The following GABRB3 variants were observed in gnomAD, a reference collection of about 807,000 sequenced individuals.
GABRB3 encodes gamma-aminobutyric acid receptor subunit beta-3.
GABRB3 carries 14 observed loss-of-function variants against 52.1 expected under a neutral mutation model. The observed-to-expected ratio is 0.27, with a 90% CI of 0.18 to 0.42. GABRB3 has a LOEUF of 0.42. Among genes scored for constraint, GABRB3 ranks in the 10% least tolerant of loss-of-function variants. The pLI is 1.00. For missense variants in GABRB3, 307 were observed against 609.1 expected (o/e 0.50, Z 5.22); for synonymous variants, 260 against 232.3 (o/e 1.12, Z -1.08).
chr15:26,711,350 G>GT (rs1889288125), intron 3 of GABRB3, among the ~76,000 whole-genome samples: 2 of 152,152 alleles, frequency 1.3e-5, no homozygotes, highest in Admixed American at 6.5e-5. Context: ...CCACATAACA[G>GT]TAAGTTTCTC....
At chr15:26,668,039 G>C (rs1003726170) in intron 3 of GABRB3, among the ~76,000 whole-genome samples, 5 of 152,172 alleles carry the variant, frequency 3.3e-5, no homozygotes, top group African/African-American at 1.2e-4. Context: ...CTGCGTAACA[G>C]TGGTTTTAAG....
chr15:26,710,365 G>T (rs1252811728), intron 3 of GABRB3, among the ~76,000 whole-genome samples: 1 of 152,090 alleles, frequency 6.6e-6, no homozygotes, highest in African/African-American at 2.4e-5. Context: ...AGGTTCAAAT[G>T]ATTCTTCTGC....
chr15:26,773,610 G>A (rs756030301), upstream of GABRB3: 2 of 1,525,306 alleles, frequency 1.3e-6, no homozygotes, highest in South Asian at 1.2e-5. Context: ...GCCTCCCGAC[G>A]GTGCCTGCAG....
At chr15:26,623,878 T>C (rs1371133855) in intron 3 of GABRB3, among the ~76,000 whole-genome samples, 6 of 152,140 alleles carry the variant, frequency 3.9e-5, no homozygotes, top group Non-Finnish European at 8.8e-5. Context: ...GCAGCCCCCA[T>C]GGCATGGTGT....
rs148020156 is a variant in GABRB3 at position 26,607,667 on chromosome 15, T to C, written c.461+13647A>G. On this transcript the variant is annotated intron_variant, in intron 4 of 8. Transcript: ENST00000311550. Reference sequence around the variant, plus strand: ...TACAAAAAACATTAATAGTAGTGTTTCTATAAATTAACACTAAACTATCTG... The same window carrying C: ...TACAAAAAACATTAATAGTAGTGTTCCTATAAATTAACACTAAACTATCTG... Among the ~76,000 whole-genome samples the C allele has an allele frequency of 1.8e-3, 279 of 152,150 alleles. 6 individuals are homozygous for C. In the East Asian group the frequency reaches 0.036, roughly 19 times the overall value.
At chr15:26,560,237 G>T (rs1889928548) in intron 8 of GABRB3, among the ~76,000 whole-genome samples, 1 of 152,098 alleles carries the variant, frequency 6.6e-6, no homozygotes, top group Non-Finnish European at 1.5e-5. Context: ...AAATATTTCA[G>T]ATTATGATCA....
At chr15:26,652,005 A>G (rs1887211724) in intron 3 of GABRB3, among the ~76,000 whole-genome samples, 1 of 152,024 alleles carries the variant, frequency 6.6e-6, no homozygotes, top group Non-Finnish European at 1.5e-5. Flanking sequence ...TGAGAGCCTG[A>G]CACCTTTAAG....
At chr15:26,642,469 ATC>A in intron 3 of GABRB3, 1 of 1,288,604 alleles carries the variant, frequency 7.8e-7, no homozygotes, top group Non-Finnish European at 1.0e-6. Context: ...GAAAAAATGA[ATC>A]TATAAGCCAC....
At chr15:26,666,634 T>C (rs375013627) in intron 3 of GABRB3, 1 of 152,324 alleles carries the variant, frequency 6.6e-6, no homozygotes, top group East Asian at 1.9e-4. Flanking sequence ...GGGCAGGAAC[T>C]AGGGAGGCAA....
chr15:26,715,376 G>A (rs1889434473), intron 3 of GABRB3, among the ~76,000 whole-genome samples: 1 of 152,178 alleles, frequency 6.6e-6, no homozygotes, highest in Non-Finnish European at 1.5e-5. Flanking sequence ...GCAGGAAACA[G>A]AGCAACAGAT....
At chr15:26,590,569 A>G (rs993234381) in intron 4 of GABRB3, among the ~76,000 whole-genome samples, 1 of 152,204 alleles carries the variant, frequency 6.6e-6, no homozygotes, top group Non-Finnish European at 1.5e-5. Flanking sequence ...CAGACCAAGC[A>G]TTTTCCTTGA....
intron 3 of GABRB3, among the ~76,000 whole-genome samples, chr15:26,751,915 G>C (rs1890520436): frequency 6.6e-6 from 1 of 152,180 alleles, no homozygotes; most frequent in Non-Finnish European, 1.5e-5. Flanking sequence ...TTCAATGGGT[G>C]CTTGGCAAGG....
chr15:26,614,596 T>C (rs771925147), intron 4 of GABRB3: 12 of 151,948 alleles, frequency 7.9e-5, no homozygotes, highest in Non-Finnish European at 2.9e-5. Context: ...AAAACAAGGG[T>C]TTGGGAGTTA....
chr15:26,575,414 A>G (rs1305239237), intron 6 of GABRB3, among the ~76,000 whole-genome samples: 1 of 152,218 alleles, frequency 6.6e-6, no homozygotes, highest in African/African-American at 2.4e-5. Context: ...GTCAATGGGG[A>G]GAAAAGAAAT....
intron 7 of GABRB3, among the ~76,000 whole-genome samples, chr15:26,565,733 T>C (rs1472135089): frequency 6.6e-6 from 1 of 152,122 alleles, no homozygotes; most frequent in African/African-American, 2.4e-5. Flanking sequence ...GATATGCACA[T>C]TTTCAGTACA....
chr15:26,647,425 G>C (rs1340507846), intron 3 of GABRB3, among the ~76,000 whole-genome samples: 2 of 152,122 alleles, frequency 1.3e-5, no homozygotes, highest in Non-Finnish European at 2.9e-5. Flanking sequence ...AATCTTTGCT[G>C]AGCCCAAGAT....
intron 6 of GABRB3, among the ~76,000 whole-genome samples, chr15:26,568,071 T>C (rs903753055): frequency 1.3e-5 from 2 of 152,240 alleles, no homozygotes; most frequent in Admixed American, 6.5e-5. Context: ...CCTTCTTCCT[T>C]GTAGACAGCG....
chr15:26,713,779 G>A (rs1412549122), intron 3 of GABRB3, among the ~76,000 whole-genome samples: 1 of 152,224 alleles, frequency 6.6e-6, no homozygotes, highest in Non-Finnish European at 1.5e-5. Flanking sequence ...GCATTCATCA[G>A]GCAGCACACT....
At chr15:26,563,387 A>G (rs1013458963) in intron 7 of GABRB3, among the ~76,000 whole-genome samples, 1 of 152,010 alleles carries the variant, frequency 6.6e-6, no homozygotes, top group Non-Finnish European at 1.5e-5. Flanking sequence ...TTGGACCCAC[A>G]TGCCACATGA....
Sources: allele counts gnomAD v4.1 joint callset (sites outside exome capture counted in the v4.1 genomes callset), GRCh38; gene constraint gnomAD v4.1.1; transcripts MANE v1.5; gene names NCBI Gene and HGNC (gene_info 2026-07-23, HGNC 2026-07-21).